The following PTPRD variants were observed in gnomAD, a reference collection of about 807,000 sequenced individuals.
The protein encoded by PTPRD is protein tyrosine phosphatase receptor type D.
Under a neutral mutation model 214.5 loss-of-function variants are expected in PTPRD, and 34 were observed. The ratio of observed to expected loss-of-function variants is 0.16; its 90% CI spans 0.12 to 0.21. PTPRD has a LOEUF of 0.21. Among genes scored for constraint, PTPRD ranks in the 10% least tolerant of loss-of-function variants. The pLI, the probability that PTPRD is intolerant of heterozygous loss-of-function variation, is 1.00. For synonymous variants in PTPRD, 1,128 were observed against 845.7 expected (o/e 1.33, Z -5.79); for missense variants, 2,545 against 2,398.7 (o/e 1.06, Z -1.27).
At chr9:10,080,155 C>G (rs1417895253) in intron 3 of PTPRD, among the ~76,000 whole-genome samples, 2 of 152,106 alleles carry the variant, frequency 1.3e-5, no homozygotes, top group African/African-American at 4.8e-5. Flanking sequence ...GAAGGAAGCT[C>G]TCTGTAACAG....
chr9:9,525,669 A>G (rs1448026752), intron 8 of PTPRD, among the ~76,000 whole-genome samples: 1 of 152,116 alleles, frequency 6.6e-6, no homozygotes, highest in Non-Finnish European at 1.5e-5. Flanking sequence ...ATCTAAAAAG[A>G]AATACTTTAT....
chr9:9,014,454 T>G (rs1438572021), intron 11 of PTPRD, among the ~76,000 whole-genome samples: 1 of 152,160 alleles, frequency 6.6e-6, no homozygotes, highest in Non-Finnish European at 1.5e-5. Context: ...AAATTCAGTT[T>G]TATAAAAGTG....
At chr9:9,369,051 G>A (rs2058684551) in intron 9 of PTPRD, among the ~76,000 whole-genome samples, 1 of 151,968 alleles carries the variant, frequency 6.6e-6, no homozygotes, top group African/African-American at 2.4e-5. Context: ...TGAGAATGAT[G>A]GTTTCCAGCT....
At chr9:8,621,744 A>C (rs1429373568) in intron 14 of PTPRD, among the ~76,000 whole-genome samples, 1 of 151,946 alleles carries the variant, frequency 6.6e-6, no homozygotes, top group Non-Finnish European at 1.5e-5. Context: ...TCAGTTTATA[A>C]CAAGCTTGGC....
At chr9:9,968,419 C>T (rs139515146) in intron 4 of PTPRD, among the ~76,000 whole-genome samples, 14 of 152,204 alleles carry the variant, frequency 9.2e-5, no homozygotes, top group African/African-American at 3.4e-4. Flanking sequence ...AAACATACAC[C>T]TGTAAAATAA....
intron 14 of PTPRD, 78 bp downstream of exon 14, chr9:8,633,239 A>C: frequency 6.6e-7 from 1 of 1,510,248 alleles, no homozygotes; most frequent in Non-Finnish European, 9.0e-7. Flanking sequence ...TCACAATGCT[A>C]GTCTTTTCAA....
At chr9:10,010,795 T>C (rs1266209807) in intron 4 of PTPRD, among the ~76,000 whole-genome samples, 1 of 152,032 alleles carries the variant, frequency 6.6e-6, no homozygotes, top group African/African-American at 2.4e-5. Context: ...GAAACTTCTG[T>C]GTTAAAACTA....
At chr9:8,751,627 C>A (rs1452438330) in intron 11 of PTPRD, among the ~76,000 whole-genome samples, 1 of 152,142 alleles carries the variant, frequency 6.6e-6, no homozygotes, top group Non-Finnish European at 1.5e-5. Context: ...CAATTGCTGG[C>A]TATCTTTCCA....
At chr9:8,757,017 C>G (rs906711806) in intron 11 of PTPRD, among the ~76,000 whole-genome samples, 20 of 152,100 alleles carry the variant, frequency 1.3e-4, no homozygotes, top group African/African-American at 4.8e-4. Context: ...TGATGGACAC[C>G]TGTAATCCCA....
intron 30 of PTPRD, among the ~76,000 whole-genome samples, chr9:8,480,461 G>T (rs892693606): frequency 3.3e-5 from 5 of 152,202 alleles, no homozygotes; most frequent in Non-Finnish European, 7.4e-5. Context: ...CTCTTTGCTT[G>T]TCCAAATTGC....
chr9:9,658,901 G>C (rs1014284237), intron 7 of PTPRD, among the ~76,000 whole-genome samples: 3 of 152,034 alleles, frequency 2.0e-5, no homozygotes, highest in Non-Finnish European at 2.9e-5. Flanking sequence ...ATAAGAGTTA[G>C]AGCCTAGATT....
chr9:10,154,286 G>C (rs867889414), intron 3 of PTPRD, among the ~76,000 whole-genome samples: 1 of 151,974 alleles, frequency 6.6e-6, no homozygotes. Flanking sequence ...AAAAATGCCT[G>C]TTATGTTCTT....
chr9:10,501,953 T>G (rs2181156), intron 2 of PTPRD, among the ~76,000 whole-genome samples: 47,409 of 151,712 alleles, frequency 0.31, 8,027 homozygotes, highest in Middle Eastern at 0.41. Flanking sequence ...ATTATAGAGT[T>G]TTGACATCAT....
chr9:8,946,548 A>C (rs901052498), intron 11 of PTPRD, among the ~76,000 whole-genome samples: 4 of 152,212 alleles, frequency 2.6e-5, no homozygotes, highest in Non-Finnish European at 5.9e-5. Context: ...GATGGGCTTT[A>C]GCAGAAGCGC....
chr9:8,596,139 G>C (rs1181872377), intron 14 of PTPRD, among the ~76,000 whole-genome samples: 1 of 152,016 alleles, frequency 6.6e-6, no homozygotes, highest in Non-Finnish European at 1.5e-5. Flanking sequence ...AGGGTAATGT[G>C]AGGTTCACCA....
chr9:9,702,698 G>C (rs970593909), intron 7 of PTPRD, among the ~76,000 whole-genome samples: 1 of 152,152 alleles, frequency 6.6e-6, no homozygotes, highest in Non-Finnish European at 1.5e-5. Context: ...GGAGAAAGTA[G>C]CTGACATAGA....
chr9:10,451,146 T>C (rs536133603), intron 2 of PTPRD, among the ~76,000 whole-genome samples: 1 of 152,106 alleles, frequency 6.6e-6, no homozygotes, highest in African/African-American at 2.4e-5. Flanking sequence ...TTAGTTTGAC[T>C]CACTACACAG....
intron 11 of PTPRD, among the ~76,000 whole-genome samples, chr9:8,776,543 C>T (rs537419492): frequency 2.2e-4 from 33 of 150,618 alleles, no homozygotes; most frequent in Non-Finnish European, 3.4e-4. Flanking sequence ...AGCGATCTGC[C>T]GGCCTCCCAA....
At chr9:9,807,167 C>A (rs993093165) in intron 5 of PTPRD, among the ~76,000 whole-genome samples, 3 of 152,098 alleles carry the variant, frequency 2.0e-5, no homozygotes, top group African/African-American at 7.2e-5. Context: ...TGCCCCTCAG[C>A]AGAATTATTT....
Sources: allele counts gnomAD v4.1 joint callset (sites outside exome capture counted in the v4.1 genomes callset), GRCh38; gene constraint gnomAD v4.1.1; transcripts MANE v1.5; gene names NCBI Gene and HGNC (gene_info 2026-07-23, HGNC 2026-07-21).